The following PIK3CA variants were observed in gnomAD, a reference collection of about 807,000 sequenced individuals.
PIK3CA encodes the protein phosphatidylinositol 4,5-bisphosphate 3-kinase catalytic subunit alpha isoform.
Under a neutral mutation model 138.2 loss-of-function variants are expected in PIK3CA, and 27 were observed. The ratio of observed to expected loss-of-function variants is 0.20; its 90% CI spans 0.14 to 0.27. The LOEUF (loss-of-function observed/expected upper bound fraction) is 0.27, where lower values mean the gene tolerates loss of function less well. Ranked by LOEUF, PIK3CA falls within the 10% of genes least tolerant of loss-of-function variation. The pLI, the probability that PIK3CA is intolerant of heterozygous loss-of-function variation, is 1.00. For synonymous variants in PIK3CA, 358 were observed against 413.2 expected (o/e 0.87, Z 1.62); for missense variants, 544 against 1,277.4 (o/e 0.43, Z 8.75).
chr3:179,158,973 T>G (rs1243039939), intron 1 of PIK3CA, among the ~76,000 whole-genome samples: 4 of 152,208 alleles, frequency 2.6e-5, no homozygotes, highest in Non-Finnish European at 5.9e-5. Flanking sequence ...TTGATGGTCA[T>G]GCAGGGTAAC....
intron 9 of PIK3CA, among the ~76,000 whole-genome samples, chr3:179,213,380 A>G (rs1385289460): frequency 1.3e-5 from 2 of 152,222 alleles, no homozygotes; most frequent in African/African-American, 4.8e-5. Flanking sequence ...CTAACACAAC[A>G]ATGTACATAC....
At chr3:179,177,514 T>C (rs183966009) in intron 1 of PIK3CA, among the ~76,000 whole-genome samples, 1 of 152,198 alleles carries the variant, frequency 6.6e-6, no homozygotes, top group African/African-American at 2.4e-5. Flanking sequence ...GGTTTCATCA[T>C]GTTGGTCAGG....
intron 1 of PIK3CA, among the ~76,000 whole-genome samples, chr3:179,161,975 G>A (rs986424344): frequency 1.3e-5 from 2 of 152,054 alleles, no homozygotes; most frequent in African/African-American, 4.8e-5. Flanking sequence ...GGTAGACCCT[G>A]GGTATATAAT....
chr3:179,198,425 G>T (rs1221559363), intron 1 of PIK3CA, among the ~76,000 whole-genome samples: 4 of 152,194 alleles, frequency 2.6e-5, no homozygotes, highest in Non-Finnish European at 4.4e-5. Flanking sequence ...ATTTTGGGTT[G>T]AATTGCAACT....
At chr3:179,225,019 A>G (rs1725051034) in intron 16 of PIK3CA, among the ~76,000 whole-genome samples, 198 bp downstream of exon 16, 1 of 152,182 alleles carries the variant, frequency 6.6e-6, no homozygotes, top group Non-Finnish European at 1.5e-5. Flanking sequence ...TACTAGGTTT[A>G]GATCAGAAGT....
intron 1 of PIK3CA, among the ~76,000 whole-genome samples, chr3:179,194,734 C>G (rs1370736191): frequency 2.0e-5 from 3 of 152,136 alleles, no homozygotes; most frequent in African/African-American, 7.2e-5. Flanking sequence ...CTTGTGGCAA[C>G]CTAGAACACC....
intron 1 of PIK3CA, among the ~76,000 whole-genome samples, chr3:179,149,165 C>T (rs1260183994): frequency 1.3e-5 from 2 of 152,214 alleles, no homozygotes; most frequent in East Asian, 3.9e-4. Flanking sequence ...CCCGCCAGCT[C>T]CCCTCCCACC....
At chr3:179,151,243 AAATGGTATTCT>A (rs1723007364) in intron 1 of PIK3CA, among the ~76,000 whole-genome samples, 1 of 152,302 alleles carries the variant, frequency 6.6e-6, no homozygotes, top group Admixed American at 6.5e-5. Context: ...TATCCCTAAG[AAATGGTATTCT>A]AATCTGAAGT....
Position 179,234,835 on chromosome 3 carries a change from T to A in PIK3CA, c.*471T>A. On this transcript the variant is annotated 3_prime_UTR_variant, in exon 21 of 21. Transcript: ENST00000263967. The surrounding 1 kb of genome is among the most constrained non-coding windows in gnomAD (Gnocchi z 5.1). ...TTAAATTACATTGATTGGAAAAGAA[T>A]GAAAATTTCTTATTTTTCCATTGCT... 4.3e-6 allele frequency: 1 copy of A among 232,002 alleles called. No individual in the cohort carries two copies. The highest frequency in any genetic ancestry group is 8.5e-6 in the Non-Finnish European group (1 of 117,064). 14.4% of individuals were successfully genotyped at this position (232,002 alleles called of 1,614,324 possible). A position where few individuals can be genotyped will look rare whatever the true frequency, so the allele number is the denominator to read the frequency against.
At chr3:179,164,198 A>G (rs930582406) in intron 1 of PIK3CA, among the ~76,000 whole-genome samples, 2 of 152,250 alleles carry the variant, frequency 1.3e-5, no homozygotes, top group African/African-American at 2.4e-5. Context: ...AAATATCCAG[A>G]CAAAACTGTA....
chr3:179,186,737 A>G (rs1253731751), intron 1 of PIK3CA, among the ~76,000 whole-genome samples: 4 of 152,240 alleles, frequency 2.6e-5, no homozygotes, highest in African/African-American at 9.6e-5. Context: ...CTTTTCTCTT[A>G]GAGTTCCACA....
intron 20 of PIK3CA, chr3:179,233,218 G>A (rs1187213474): frequency 2.5e-6 from 1 of 397,324 alleles, no homozygotes; most frequent in Non-Finnish European, 4.4e-6. Context: ...TATGTCATTG[G>A]TAAACAGCTA....
intron 1 of PIK3CA, among the ~76,000 whole-genome samples, chr3:179,150,195 G>A (rs982287550): frequency 2.6e-5 from 4 of 152,014 alleles, no homozygotes; most frequent in African/African-American, 9.6e-5. Context: ...GTGTGTGTGT[G>A]TGTGTGTTGG....
Position 179,239,816 on chromosome 3 carries a change from C to T in PIK3CA, c.*5452C>T, listed in dbSNP as rs895309741. ...CAGTGAATTGAAGTCCTGTGGTATACTGCATTCATTAGAAGAAAAACGTTT... is the reference window on the plus strand; with the variant it reads ...CAGTGAATTGAAGTCCTGTGGTATATTGCATTCATTAGAAGAAAAACGTTT... On this transcript the variant is annotated 3_prime_UTR_variant, in exon 21 of 21. Coordinates refer to ENST00000263967, the MANE Select transcript of PIK3CA (RefSeq NM_006218.4). 6 of 490,968 alleles carry T rather than the reference C, an allele frequency of 1.2e-5. No homozygotes were observed. The highest frequency in any genetic ancestry group is 1.2e-4 in the African/African-American group (6 of 49,984). The allele number at this position is 490,968 out of a possible 1,614,324, so 30.4% of individuals were successfully genotyped here. A position where few individuals can be genotyped will look rare whatever the true frequency, so the allele number is the denominator to read the frequency against.
intron 4 of PIK3CA, among the ~76,000 whole-genome samples, chr3:179,202,994 G>A (rs1724456168): frequency 7.1e-6 from 1 of 140,442 alleles, no homozygotes; most frequent in African/African-American, 2.7e-5. Context: ...AGGCTGGAGT[G>A]CAGTGGCAGG....
chr3:179,205,119 T>C (rs1478186411), intron 6 of PIK3CA, among the ~76,000 whole-genome samples: 1 of 143,390 alleles, frequency 7.0e-6, no homozygotes, highest in Non-Finnish European at 1.5e-5. Context: ...GACAGGAGAA[T>C]AGGAGAATTG....
Position 179,222,872 on chromosome 3 carries a change from TAGTA to T in PIK3CA, c.2188-1205_2188-1202del, listed in dbSNP as rs751233615. The stretch of plus-strand genomic sequence containing the variant: ...TTCACACCATCACAAAGTTGAAAAA[TAGTA>T]AGTCAAAACCATTGTAAGTTGGAGA... On this transcript the variant is annotated intron_variant, in intron 14 of 20. Coordinates refer to ENST00000263967, the MANE Select transcript of PIK3CA (RefSeq NM_006218.4). 9.2e-5 allele frequency among the ~76,000 whole-genome samples: 14 copies of T among 152,162 alleles called. No individual in the cohort carries two copies. The East Asian group carries it at 2.5e-3, about 27-fold the overall frequency.
chr3:179,207,690 TGG>T (rs577005060), intron 6 of PIK3CA, among the ~76,000 whole-genome samples: 67 of 152,160 alleles, frequency 4.4e-4, no homozygotes, highest in African/African-American at 1.4e-3. Flanking sequence ...CAGCTAATCT[TGG>T]CATTTTTAGT....
chr3:179,224,019 CAGTT>C, intron 14 of PIK3CA, 58 bp from the exon 15 acceptor site: 2 of 862,136 alleles, frequency 2.3e-6, no homozygotes, highest in Non-Finnish European at 4.0e-6. Flanking sequence ...AAGAGATTAG[CAGTT>C]AGTTTTATCT....
Sources: allele counts gnomAD v4.1 joint callset (sites outside exome capture counted in the v4.1 genomes callset), GRCh38; gene constraint gnomAD v4.1.1; non-coding constraint Gnocchi (gnomAD v3.1); transcripts MANE v1.5; gene names NCBI Gene and HGNC (gene_info 2026-07-23, HGNC 2026-07-21).